ATP10D: variants seen among roughly 807,000 people sequenced by gnomAD.
ATP10D encodes phospholipid-transporting ATPase VD.
ATP10D carries 89 observed loss-of-function variants against 144.8 expected under a neutral mutation model. That is an observed-to-expected ratio of 0.61 (90% CI 0.52 to 0.73). The LOEUF is 0.73. Ranked by LOEUF, ATP10D falls within the 30% of genes least tolerant of loss-of-function variation. The probability of loss-of-function intolerance (pLI) is 0.00; values close to 1 mark genes in which losing one functional copy is unlikely to be tolerated. For synonymous variants in ATP10D, 571 were observed against 615.1 expected (o/e 0.93, Z 1.06); for missense variants, 1,603 against 1,714.8 (o/e 0.93, Z 1.15).
chr4:47,562,422 A>C (rs1401751037), intron 14 of ATP10D, among the ~76,000 whole-genome samples: 1 of 152,208 alleles, frequency 6.6e-6, no homozygotes, highest in Non-Finnish European at 1.5e-5. Flanking sequence ...ACAAGTGGCC[A>C]ACAAACATGA....
chr4:47,555,903 A>G (rs895281723), intron 11 of ATP10D, among the ~76,000 whole-genome samples: 9 of 151,972 alleles, frequency 5.9e-5, no homozygotes, highest in Non-Finnish European at 1.3e-4. Context: ...ATAGGCACCC[A>G]CAACCACGCC....
At position 47,593,027 on chromosome 4, in the gene ATP10D, C is replaced by A. The variant is rs1417989646; in HGVS notation, c.*1646C>A. Reference sequence around the variant, plus strand: ...ATATGGAAAATCACTGATGTCATATCATTTATTATCCTCACAGCAGCTGGC... The same window carrying A: ...ATATGGAAAATCACTGATGTCATATAATTTATTATCCTCACAGCAGCTGGC... On this transcript the variant is annotated 3_prime_UTR_variant, in exon 23 of 23. Coordinates refer to ENST00000273859, the MANE Select transcript of ATP10D (RefSeq NM_020453.4). 2.0e-5 allele frequency: 3 copies of A among 152,064 alleles called. No homozygotes were observed. The highest frequency in any genetic ancestry group is 4.4e-5 in the Non-Finnish European group (3 of 67,984). 9.4% of individuals were successfully genotyped at this position (152,064 alleles called of 1,614,324 possible). A position where few individuals can be genotyped will look rare whatever the true frequency, so the allele number is the denominator to read the frequency against.
intron 21 of ATP10D, among the ~76,000 whole-genome samples, chr4:47,582,676 C>T (rs991237429): frequency 1.3e-5 from 2 of 152,116 alleles, no homozygotes; most frequent in Non-Finnish European, 1.5e-5. Context: ...TATCTTTTAA[C>T]GGAGGTAATT....
At chr4:47,590,194 T>C (rs974585843) in intron 22 of ATP10D, among the ~76,000 whole-genome samples, 3 of 152,078 alleles carry the variant, frequency 2.0e-5, no homozygotes, top group African/African-American at 4.8e-5. Context: ...AACTTGGATA[T>C]TTGGCAGAGG....
At chr4:47,579,114 T>TGCAGCCTCAGAATCCTTCAC (rs1370643128) in intron 19 of ATP10D, among the ~76,000 whole-genome samples, 2 of 152,226 alleles carry the variant, frequency 1.3e-5, no homozygotes, top group Non-Finnish European at 2.9e-5. Flanking sequence ...TGGATCTGAA[T>TGCAGCCTCAGAATCCTTCAC]GCAGCCTCAG....
chr4:47,548,809 T>C (rs11729252), intron 10 of ATP10D, among the ~76,000 whole-genome samples: 36,008 of 152,110 alleles, frequency 0.24, 4,255 homozygotes, highest in Admixed American at 0.3. Flanking sequence ...CTAAACAAGT[T>C]GATTTTATCT....
Position 47,558,019 on chromosome 4 carries a change from G to C in ATP10D, c.2180G>C (p.Ser727Thr). Reference sequence around the variant, plus strand: ...TGCAACCTGTGTTATGAGGCCGAGAGCCCAGACGAAGCGGCCTTAGTGTAT... The same window carrying C: ...TGCAACCTGTGTTATGAGGCCGAGACCCCAGACGAAGCGGCCTTAGTGTAT... ...LACNLCYEAESPDEAALVYAA... is the reference protein window; with the variant it reads ...LACNLCYEAETPDEAALVYAA... Residue 727 changes from serine to threonine, a missense_variant, in exon 12 of 23, where the codon AGC (serine) becomes ACC (threonine). Transcript: ENST00000273859. The C allele has an allele frequency of 6.2e-7, 1 of 1,614,126 alleles. No homozygotes were observed. Among genetic ancestry groups the C allele is most frequent in the Non-Finnish European group, 8.5e-7 (1 of 1,180,002 alleles).
At chr4:47,552,573 A>G (rs1443883281) in intron 10 of ATP10D, among the ~76,000 whole-genome samples, 1 of 152,216 alleles carries the variant, frequency 6.6e-6, no homozygotes, top group African/African-American at 2.4e-5. Context: ...AAAGAGCCCT[A>G]CTTCCTAATA....
Position 47,587,207 on chromosome 4 carries a change from G to GTA in ATP10D, c.3941+3_3941+4dup, listed in dbSNP as rs1334806952. On this transcript the variant is annotated splice_donor_variant, in intron 22 of 22. Coordinates refer to ENST00000273859, the MANE Select transcript of ATP10D (RefSeq NM_020453.4). LOFTEE classifies it high-confidence loss of function. ...CGACGTCCATTGCTCTTCTGCCCAG[G>GTA]TATGGTATTTATTTTATCATTGAGA... 2.9e-5 allele frequency: 47 copies of GTA among 1,606,852 alleles called. No individual in the cohort carries two copies. Among genetic ancestry groups the GTA allele is most frequent in the Non-Finnish European group, 3.8e-5 (45 of 1,176,244 alleles).
intron 10 of ATP10D, among the ~76,000 whole-genome samples, chr4:47,553,004 A>T (rs980175161): frequency 1.3e-5 from 2 of 152,214 alleles, no homozygotes; most frequent in African/African-American, 2.4e-5. Flanking sequence ...TGCTTATTCC[A>T]TGTTAACATT....
intron 1 of ATP10D, among the ~76,000 whole-genome samples, chr4:47,495,089 G>A (rs1377393278): frequency 1.3e-5 from 2 of 152,190 alleles, no homozygotes; most frequent in East Asian, 3.8e-4. Context: ...TACATGTAAT[G>A]CTTCTTTGCA....
chr4:47,570,060 A>G (rs978695378), intron 16 of ATP10D, among the ~76,000 whole-genome samples: 2 of 152,206 alleles, frequency 1.3e-5, no homozygotes, highest in Admixed American at 1.3e-4. Context: ...GTGGGACATG[A>G]TTTGCCTTAA....
At chr4:47,542,244 A>G (rs1470529919) in intron 9 of ATP10D, among the ~76,000 whole-genome samples, 6 of 152,074 alleles carry the variant, frequency 3.9e-5, no homozygotes, top group Middle Eastern at 3.4e-3. Flanking sequence ...CTATGGGCAC[A>G]TGCCACCACG....
chr4:47,558,896 A>G, intron 12 of ATP10D, 27 bp from the exon 13 acceptor site: 1 of 1,556,106 alleles, frequency 6.4e-7, no homozygotes, highest in Non-Finnish European at 8.8e-7. Flanking sequence ...ACTGGTAGGA[A>G]CTCAAGCATC....
chr4:47,566,165 G>A (rs944652028), intron 15 of ATP10D, among the ~76,000 whole-genome samples: 7 of 152,216 alleles, frequency 4.6e-5, no homozygotes, highest in African/African-American at 1.7e-4. Context: ...TGGAATGTCT[G>A]AAGTTACTTT....
rs368259495 is a variant in ATP10D, at chr4:47,515,467, G to C, written c.291-9G>C. 480 of 1,605,868 alleles carry C rather than the reference G, an allele frequency of 3.0e-4. 1 individual carries two copies. Among genetic ancestry groups the C allele is most frequent in the Non-Finnish European group, 3.3e-4 (393 of 1,175,462 alleles). The stretch of plus-strand genomic sequence containing the variant: ...TCTTAACACCTCCCTTTGTGTGTTT[G>C]GGTTGCAGAGCTGCCAATTTATATT... On this transcript the variant is annotated splice_polypyrimidine_tract_variant and intron_variant, in intron 2 of 22. Coordinates refer to ENST00000273859, the MANE Select transcript of ATP10D (RefSeq NM_020453.4).
rs1417263738 is a variant in ATP10D, at chr4:47,512,690, C to T, written c.150C>T (p.His50=). Residue 50 remains histidine, a synonymous_variant, in exon 2 of 23, where the codon CAC becomes CAT. Coordinates refer to ENST00000273859, the MANE Select transcript of ATP10D (RefSeq NM_020453.4). ...SSQTPKLSGR[H]RIVVPHIQPF... ...AGACCCCTAAACTGTCAGGAAGGCACCGGATTGTTGTTCCCCACATCCAGC... is the reference window on the plus strand; with the variant it reads ...AGACCCCTAAACTGTCAGGAAGGCATCGGATTGTTGTTCCCCACATCCAGC... The T allele has an allele frequency of 6.2e-7, 1 of 1,614,068 alleles. No individual in the cohort carries two copies. Among genetic ancestry groups the T allele is most frequent in the Admixed American group, 1.7e-5 (1 of 60,008 alleles).
intron 9 of ATP10D, among the ~76,000 whole-genome samples, chr4:47,545,961 AG>A (rs1348323320): frequency 6.6e-6 from 1 of 152,180 alleles, no homozygotes; most frequent in Non-Finnish European, 1.5e-5. Context: ...GCAGCTCTCC[AG>A]TATTTGAGGA....
intron 1 of ATP10D, among the ~76,000 whole-genome samples, chr4:47,487,721 T>G (rs995643478): frequency 4.6e-5 from 7 of 152,242 alleles, no homozygotes; most frequent in Non-Finnish European, 7.3e-5. Flanking sequence ...CTTTGCAGAA[T>G]AAGGACTAAC....
Sources: gnomAD v4.1 joint callset for allele counts (sites outside exome capture counted in the v4.1 genomes callset) on GRCh38, gnomAD v4.1.1 for gene constraint, MANE v1.5 for transcripts, NCBI Gene and HGNC (gene_info 2026-07-23, HGNC 2026-07-21) for gene names.